The following UBAP1L variants were observed in gnomAD, a reference collection of about 807,000 sequenced individuals.
The protein encoded by UBAP1L is ubiquitin associated protein 1 like, also known as ubiquitin-associated protein 1-like.
UBAP1L carries 32 observed loss-of-function variants against 32.1 expected under a neutral mutation model. That is an observed-to-expected ratio of 1.00 (90% confidence interval 0.75 to 1.34). UBAP1L has a LOEUF of 1.34. UBAP1L is among the 40% of genes most tolerant of loss of function. The pLI, the probability that UBAP1L is intolerant of heterozygous loss-of-function variation, is 0.00. For synonymous variants in UBAP1L, 243 were observed against 250.2 expected (o/e 0.97, Z 0.27); for missense variants, 516 against 540.5 (o/e 0.95, Z 0.45).
intron 1 of UBAP1L, among the ~76,000 whole-genome samples, chr15:65,107,988 T>C (rs2087335719): frequency 6.6e-6 from 1 of 151,854 alleles, no homozygotes; most frequent in Non-Finnish European, 1.5e-5. Flanking sequence ...TTGGTAGAAA[T>C]TGGCAAGCTA....
In UBAP1L at chr15:65,102,260, C is replaced by T; in HGVS notation, c.545G>A (p.Arg182His). ...RALLHGLRGH[R>H]ALSLCPSPAQ... ...AGGGCTCGGGCACAGGCTCAGCGCG[C>T]GGTGGCCGCGGAGGCCATGCAGGAG... is the stretch of plus-strand genomic sequence containing the variant. The change falls in exon 3 of 6, where the codon CGC (arginine) becomes CAC (histidine). Residue 182 changes from arginine (R) to histidine (H), a missense_variant. Physicochemically the swap from Arg to His is conservative, Grantham distance 29. Transcript: ENST00000559089. The surrounding 1 kb of genome is among the most constrained non-coding windows in gnomAD (Gnocchi z 5.0). The T allele has an allele frequency of 1.5e-6, 2 of 1,309,992 alleles. No individual in the cohort carries two copies. The highest frequency in any genetic ancestry group is 1.9e-6 in the Non-Finnish European group (2 of 1,033,290). The allele number at this position is 1,309,992 out of a possible 1,614,324, so 81.1% of individuals were successfully genotyped here.
chr15:65,114,269 T>A (rs1407558055), intron 1 of UBAP1L, among the ~76,000 whole-genome samples: 3 of 152,044 alleles, frequency 2.0e-5, no homozygotes, highest in Non-Finnish European at 4.4e-5. Flanking sequence ...ATTCTTACCC[T>A]TACTATATGA....
intron 4 of UBAP1L, chr15:65,098,852 C>T (rs2087206785): frequency 6.6e-6 from 1 of 152,178 alleles, no homozygotes; most frequent in South Asian, 2.1e-4. Context: ...CACTAAGTTT[C>T]GGGGTAGTTT....
chr15:65,099,763 T>G, intron 3 of UBAP1L, 49 bp from the exon 4 acceptor site: 1 of 1,474,388 alleles, frequency 6.8e-7, no homozygotes, highest in Non-Finnish European at 9.2e-7. Context: ...GAAGTGACAC[T>G]CAGTTGGGCT....
Position 65,105,958 on chromosome 15 carries a change from T to C in UBAP1L, c.120+138A>G. Reference sequence around the variant, plus strand: ...GGCACGCGTCACCACACCCAGCTAATTTTTTGTATTGTTAGTAGATACGGG... The same window carrying C: ...GGCACGCGTCACCACACCCAGCTAACTTTTTGTATTGTTAGTAGATACGGG... On this transcript the variant is annotated intron_variant, in intron 2 of 5. Coordinates refer to ENST00000559089, the MANE Select transcript of UBAP1L (RefSeq NM_001163692.2). 1 of 1,269,664 alleles carries C rather than the reference T, an allele frequency of 7.9e-7. No homozygotes were observed. The highest frequency in any genetic ancestry group is 1.1e-6 in the Non-Finnish European group (1 of 915,062). 78.6% of individuals were successfully genotyped at this position (1,269,664 alleles called of 1,614,324 possible).
In UBAP1L at chr15:65,104,568, C is replaced by T. The variant is rs192397764; in HGVS notation, c.120+1528G>A. Reference sequence around the variant, plus strand: ...GGTGGCATCTCAAGCAATAGGAGAACGATAAAGTTCTGGTCAATAAATAGT... The same window carrying T: ...GGTGGCATCTCAAGCAATAGGAGAATGATAAAGTTCTGGTCAATAAATAGT... On this transcript the variant is annotated intron_variant, in intron 2 of 5. Transcript: ENST00000559089. Among the ~76,000 whole-genome samples the T allele has an allele frequency of 6.2e-4, 95 of 152,166 alleles. 1 individual carries two copies. The highest frequency in any genetic ancestry group is 3.3e-4 in the Admixed American group (5 of 15,272).
chr15:65,094,848 G>A lies in UBAP1L; in HGVS notation c.910-272C>T, dbSNP rs959072084. On this transcript the variant is annotated intron_variant, in intron 4 of 5. Coordinates refer to ENST00000559089, the MANE Select transcript of UBAP1L (RefSeq NM_001163692.2). The surrounding 1 kb of genome is among the most constrained non-coding windows in gnomAD (Gnocchi z 4.2). ...AAGGGCTGTCAGGGTGGGCTAGGGT[G>A]TTCATAGAACCTAGGTGGGGAGCAG... is the stretch of plus-strand genomic sequence containing the variant. 9.9e-6 allele frequency: 5 copies of A among 505,706 alleles called. No homozygotes were observed. Among genetic ancestry groups the A allele is most frequent in the South Asian group, 8.6e-5 (4 of 46,436 alleles). 31.3% of individuals were successfully genotyped at this position (505,706 alleles called of 1,614,324 possible). A position where few individuals can be genotyped will look rare whatever the true frequency, so the allele number is the denominator to read the frequency against.
chr15:65,111,209 T>C (rs1270847338), intron 1 of UBAP1L, among the ~76,000 whole-genome samples: 1 of 152,232 alleles, frequency 6.6e-6, no homozygotes, highest in Admixed American at 6.5e-5. Context: ...AGCCAGTTCT[T>C]ACAGGGGACC....
chr15:65,111,169 C>T (rs1229179515), intron 1 of UBAP1L, among the ~76,000 whole-genome samples: 1 of 152,230 alleles, frequency 6.6e-6, no homozygotes, highest in African/African-American at 2.4e-5. Flanking sequence ...AGGAAGGTCC[C>T]ACTGTAACCA....
Position 65,102,231 on chromosome 15 carries a change from G to C in UBAP1L, c.574C>G (p.Gln192Glu). The C allele has an allele frequency of 1.6e-6, 2 of 1,260,076 alleles. No individual in the cohort carries two copies. The highest frequency in any genetic ancestry group is 2.0e-6 in the Non-Finnish European group (2 of 1,002,934). 78.1% of individuals were successfully genotyped at this position (1,260,076 alleles called of 1,614,324 possible). ...RALSLCPSPA[Q>E]SPRSASPPGP... ...GGGGGTGATGCAGACCTGGGGGACT[G>C]CGCAGGGCTCGGGCACAGGCTCAGC... The change falls in exon 3 of 6, where the codon CAG becomes GAG. Residue 192 changes from glutamine (Q) to glutamate (E), a missense_variant. Transcript: ENST00000559089. This position sits in a 1 kb window ranked among gnomAD's most constrained non-coding sequence, Gnocchi z 5.0.
chr15:65,092,987 A>T lies in UBAP1L; in HGVS notation c.*110T>A. The T allele has an allele frequency of 7.4e-7, 1 of 1,348,052 alleles. No homozygotes were observed. Among genetic ancestry groups the T allele is most frequent in the Non-Finnish European group, 9.8e-7 (1 of 1,015,356 alleles). The allele number at this position is 1,348,052 out of a possible 1,614,324, so 83.5% of individuals were successfully genotyped here. ...TTGGTATTATTTGTGTTTTTACAAT[A>T]AGTATGCATCACTTTGTTACTCTTA... On this transcript the variant is annotated 3_prime_UTR_variant, in exon 6 of 6. Transcript: ENST00000559089.
At chr15:65,093,521 G>A (rs924285825) in intron 5 of UBAP1L, among the ~76,000 whole-genome samples, 1 of 152,214 alleles carries the variant, frequency 6.6e-6, no homozygotes, top group Non-Finnish European at 1.5e-5. Flanking sequence ...TGCTGGGGCA[G>A]GAGGGGGGCA....
intron 3 of UBAP1L, chr15:65,100,053 A>G (rs572282011): frequency 1.1e-5 from 2 of 179,108 alleles, no homozygotes; most frequent in East Asian, 2.9e-4. Context: ...AGACCAGCCC[A>G]ACCAACGTGG....
In UBAP1L at chr15:65,094,413, G is replaced by A; in HGVS notation, c.1011+62C>T. 7.9e-7 allele frequency: 1 copy of A among 1,259,952 alleles called. No individual in the cohort carries two copies. Among genetic ancestry groups the A allele is most frequent in the Non-Finnish European group, 1.1e-6 (1 of 906,502 alleles). 78.0% of individuals were successfully genotyped at this position (1,259,952 alleles called of 1,614,324 possible). ...AGGACTGGTGTGGCCCTGCACACCG[G>A]GCTCCTGGGTACACCCCCATCCCTT... On this transcript the variant is annotated intron_variant, in intron 5 of 5. Coordinates refer to ENST00000559089, the MANE Select transcript of UBAP1L (RefSeq NM_001163692.2). The surrounding 1 kb of genome is among the most constrained non-coding windows in gnomAD (Gnocchi z 4.2).
chr15:65,102,528 T>G lies in UBAP1L; in HGVS notation c.277A>C (p.Thr93Pro). The G allele has an allele frequency of 6.7e-7, 1 of 1,497,256 alleles. No homozygotes were observed. 92.7% of individuals were successfully genotyped at this position (1,497,256 alleles called of 1,614,324 possible). ...TGTCCGGCCTCCGGGTCTCTGATTG[T>G]GGTGGGCGCAGGCGCCAGCCCATGT... The part of the protein sequence containing the change: ...PEHGLAPAPT[T>P]IRDPEAGHQE... The change falls in exon 3 of 6, where the codon ACA becomes CCA. Residue 93 changes from threonine to proline, a missense_variant. Thr to Pro is a conservative substitution (Grantham distance 38). Coordinates refer to ENST00000559089, the MANE Select transcript of UBAP1L (RefSeq NM_001163692.2). The surrounding 1 kb of genome is among the most constrained non-coding windows in gnomAD (Gnocchi z 5.0).
intron 1 of UBAP1L, among the ~76,000 whole-genome samples, chr15:65,106,962 A>G (rs531506665): frequency 6.6e-6 from 1 of 152,298 alleles, no homozygotes; most frequent in African/African-American, 2.4e-5. Flanking sequence ...TAACCTTGAT[A>G]CCAAACTTGA....
rs796698167 is a variant in UBAP1L, at chr15:65,102,418, T to C, written c.387A>G (p.Gln129=). Residue 129 remains glutamine (Q), a synonymous_variant, in exon 3 of 6, where the codon CAA becomes CAG. Coordinates refer to ENST00000559089, the MANE Select transcript of UBAP1L (RefSeq NM_001163692.2). This position sits in a 1 kb window ranked among gnomAD's most constrained non-coding sequence, Gnocchi z 5.0. ...GGCCGGGGCTCGCCGGGGAGCCCGG[T>C]TGGAGGCTGCTGGGGGCCGGCTCTT... is the stretch of plus-strand genomic sequence containing the variant. The part of the protein sequence containing the change: ...SEEEPAPSSL[Q]PGSPASPGPG... The C allele has an allele frequency of 4.9e-6, 7 of 1,425,844 alleles. No homozygotes were observed. Among genetic ancestry groups the C allele is most frequent in the Admixed American group, 3.1e-5 (1 of 32,036 alleles). 88.3% of individuals were successfully genotyped at this position (1,425,844 alleles called of 1,614,324 possible).
In UBAP1L at chr15:65,102,346, C is replaced by A. The variant is rs751354132; in HGVS notation, c.459G>T (p.Leu153Phe). 88 of 1,471,006 alleles carry A rather than the reference C, an allele frequency of 6.0e-5. No homozygotes were observed. The Admixed American group carries it at 1.9e-3, about 32-fold the overall frequency. The allele number at this position is 1,471,006 out of a possible 1,614,324, so 91.1% of individuals were successfully genotyped here. ...CSLDVLRGVR[L>F]ELAGARRRLS... ...GCCGCCGCCGCGCCCCTGCCAGCTC[C>A]AACCGCACGCCGCGTAGCACGTCCA... Residue 153 changes from leucine (L) to phenylalanine (F), a missense_variant, in exon 3 of 6, where the codon TTG becomes TTT. Transcript: ENST00000559089. The surrounding 1 kb of genome is among the most constrained non-coding windows in gnomAD (Gnocchi z 5.0).
In UBAP1L at chr15:65,106,237, G is replaced by A. The variant is rs772368581; in HGVS notation, c.-22C>T. 85 of 1,522,474 alleles carry A rather than the reference G, an allele frequency of 5.6e-5. No homozygotes were observed. The African/African-American group carries it at 1.1e-3, about 20-fold the overall frequency. The allele number at this position is 1,522,474 out of a possible 1,614,324, so 94.3% of individuals were successfully genotyped here. On this transcript the variant is annotated 5_prime_UTR_variant, in exon 2 of 6. Coordinates refer to ENST00000559089, the MANE Select transcript of UBAP1L (RefSeq NM_001163692.2). ...TCATTCTGTCAGGAGTGTGGAGATGGCTGGCAGGGCTGGGGCAGGCTGCTT... is the reference window on the plus strand; with the variant it reads ...TCATTCTGTCAGGAGTGTGGAGATGACTGGCAGGGCTGGGGCAGGCTGCTT...
Sources: allele counts gnomAD v4.1 joint callset (sites outside exome capture counted in the v4.1 genomes callset), GRCh38; gene constraint gnomAD v4.1.1; non-coding constraint Gnocchi (gnomAD v3.1); transcripts MANE v1.5; gene names NCBI Gene and HGNC (gene_info 2026-07-23, HGNC 2026-07-21).